The following LAMA2 variants were observed in gnomAD, a reference collection of about 807,000 sequenced individuals.
LAMA2 encodes the protein laminin subunit alpha 2.
Under a neutral mutation model 364.8 loss-of-function variants are expected in LAMA2, and 269 were observed. The observed-to-expected ratio is 0.74, with a 90% CI of 0.67 to 0.82. LAMA2 has a LOEUF of 0.82. Among genes scored for constraint, LAMA2 ranks in the 40% least tolerant of loss-of-function variants. LAMA2 has a pLI of 0.00. For missense variants in LAMA2, 3,807 were observed against 3,873.2 expected, an observed-to-expected ratio of 0.98 and a Z score of 0.45; for synonymous variants, 1,379 against 1,370.6, an observed-to-expected ratio of 1.01 and a Z score of -0.14.
At chr6:129,154,432 G>A in intron 7 of LAMA2, 73 bp from the exon 8 acceptor site, 1 of 1,357,488 alleles carries the variant, frequency 7.4e-7, no homozygotes. Context: ...AATCTATTAT[G>A]TATAACAGAA....
chr6:128,911,830 C>T (rs1777986254), intron 1 of LAMA2, among the ~76,000 whole-genome samples: 1 of 152,178 alleles, frequency 6.6e-6, no homozygotes, highest in African/African-American at 2.4e-5. Flanking sequence ...TCTTCTTCCA[C>T]AGCCCTGAAA....
At chr6:129,223,424 A>G (rs1359099465) in intron 12 of LAMA2, among the ~76,000 whole-genome samples, 4 of 152,136 alleles carry the variant, frequency 2.6e-5, no homozygotes, top group Admixed American at 6.5e-5. Context: ...ACCCATGCCT[A>G]TGTCCTCAAT....
At chr6:129,348,410 C>A (rs1776678598) in intron 30 of LAMA2, among the ~76,000 whole-genome samples, 1 of 152,160 alleles carries the variant, frequency 6.6e-6, no homozygotes. Flanking sequence ...GCAGCATTAT[C>A]TTTCTGCCAC....
At chr6:129,279,439 G>T (rs184353096) in intron 17 of LAMA2, among the ~76,000 whole-genome samples, 99 of 152,244 alleles carry the variant, frequency 6.5e-4, no homozygotes, top group African/African-American at 2.3e-3. Context: ...ATGCCAGAGG[G>T]TATGAGATGG....
At chr6:129,505,613 A>G (rs1785998982) in intron 61 of LAMA2, among the ~76,000 whole-genome samples, 1 of 152,044 alleles carries the variant, frequency 6.6e-6, no homozygotes, top group Non-Finnish European at 1.5e-5. Flanking sequence ...GGTTCACGCC[A>G]TTCTCCTGCC....
At chr6:129,199,154 A>T (rs76283104) in intron 12 of LAMA2, among the ~76,000 whole-genome samples, 2,166 of 152,276 alleles carry the variant, frequency 0.014, 51 homozygotes, top group African/African-American at 0.05. Flanking sequence ...GTCAGGCTAA[A>T]TTGGCCAAGT....
chr6:129,305,524 T>A (rs1283780007), intron 22 of LAMA2, among the ~76,000 whole-genome samples: 1 of 152,002 alleles, frequency 6.6e-6, no homozygotes, highest in African/African-American at 2.4e-5. Flanking sequence ...GAGATCTCAC[T>A]ATATTGCCCA....
intron 32 of LAMA2, among the ~76,000 whole-genome samples, chr6:129,362,392 C>A (rs749426524): frequency 6.6e-6 from 1 of 152,050 alleles, no homozygotes; most frequent in Non-Finnish European, 1.5e-5. Flanking sequence ...TTTCTTCCGG[C>A]CAACCCCAAC....
chr6:129,443,967 A>T (rs1266789127), intron 44 of LAMA2, among the ~76,000 whole-genome samples: 2 of 152,180 alleles, frequency 1.3e-5, no homozygotes, highest in Non-Finnish European at 2.9e-5. Flanking sequence ...AGATGGAAAA[A>T]TTAATGAATT....
At chr6:129,327,567 C>A (rs1204376383) in intron 28 of LAMA2, among the ~76,000 whole-genome samples, 1 of 152,192 alleles carries the variant, frequency 6.6e-6, no homozygotes, top group Non-Finnish European at 1.5e-5. Flanking sequence ...TTTTCATCTT[C>A]GTGCCAGAGC....
chr6:129,095,754 C>CAAAAAAAAA (rs57713069), intron 3 of LAMA2, among the ~76,000 whole-genome samples: 1 of 93,984 alleles, frequency 1.1e-5, no homozygotes. Context: ...CTACTAAATA[C>CAAAAAAAAA]AAAAAAAAAA....
intron 7 of LAMA2, 80 bp from the exon 8 acceptor site, chr6:129,154,425 C>G (rs1778985245): frequency 7.6e-7 from 1 of 1,320,792 alleles, no homozygotes; most frequent in South Asian, 1.2e-5. Context: ...AAAAAAAAAT[C>G]TATTATGTAT....
chr6:129,105,784 A>G (rs1775786293), intron 4 of LAMA2, among the ~76,000 whole-genome samples: 2 of 152,326 alleles, frequency 1.3e-5, no homozygotes, highest in Admixed American at 1.3e-4. Context: ...GAAGAATCAC[A>G]GTAATAATAT....
chr6:129,339,989 G>A (rs1205692357), intron 29 of LAMA2, among the ~76,000 whole-genome samples: 4 of 146,662 alleles, frequency 2.7e-5, no homozygotes, highest in Middle Eastern at 3.6e-3. Flanking sequence ...ACTACAGAGC[G>A]AGACTGTCTC....
intron 1 of LAMA2, among the ~76,000 whole-genome samples, chr6:129,024,275 G>A (rs1019865910): frequency 6.9e-6 from 1 of 145,450 alleles, no homozygotes; most frequent in African/African-American, 2.8e-5. Flanking sequence ...AAAAAAAAAA[G>A]TAGGAAGCAT....
At chr6:129,463,972 C>T (rs908465301) in intron 49 of LAMA2, among the ~76,000 whole-genome samples, 3 of 151,864 alleles carry the variant, frequency 2.0e-5, no homozygotes, top group Admixed American at 6.6e-5. Context: ...CCAGAAACCC[C>T]GCCCCTTTGC....
At chr6:129,330,602 T>TTG (rs1374837496) in intron 29 of LAMA2, among the ~76,000 whole-genome samples, 3 of 63,026 alleles carry the variant, frequency 4.8e-5, no homozygotes, top group African/African-American at 9.5e-5. Flanking sequence ...GTTTTTGTTT[T>TTG]TTTTTTTTTT....
chr6:129,064,342 T>A, intron 3 of LAMA2, among the ~76,000 whole-genome samples: 1 of 120,390 alleles, frequency 8.3e-6, no homozygotes, highest in African/African-American at 3.2e-5. Flanking sequence ...ATTAACAACC[T>A]AAGGTTACAT....
At chr6:129,368,637 T>C (rs888161163) in intron 33 of LAMA2, among the ~76,000 whole-genome samples, 1 of 152,220 alleles carries the variant, frequency 6.6e-6, no homozygotes, top group African/African-American at 2.4e-5. Context: ...GAGGATCCTA[T>C]AGAAGAGGCT....
Sources: gnomAD v4.1 joint callset for allele counts (sites outside exome capture counted in the v4.1 genomes callset) on GRCh38, gnomAD v4.1.1 for gene constraint, MANE v1.5 for transcripts, NCBI Gene and HGNC (gene_info 2026-07-23, HGNC 2026-07-21) for gene names.